The following ECE2 variants were observed in gnomAD, a reference collection of about 807,000 sequenced individuals.
ECE2 encodes endothelin-converting enzyme 2.
A neutral mutation model predicts 100.6 loss-of-function variants in ECE2; 81 were observed. The ratio of observed to expected loss-of-function variants is 0.81; its 90% confidence interval spans 0.67 to 0.97. The LOEUF is 0.97. ECE2 is among the 50% of genes least tolerant of loss of function. The pLI is 0.00. For synonymous variants in ECE2, 391 were observed against 391.5 expected (o/e 1.00, Z 0.02); for missense variants, 911 against 988.1 (o/e 0.92, Z 1.05).
In ECE2 at chr3:184,276,067, G is replaced by T; in HGVS notation, c.-87G>T. 8.3e-7 allele frequency: 1 copy of T among 1,207,310 alleles called. No homozygotes were observed. The highest frequency in any genetic ancestry group is 1.0e-6 in the Non-Finnish European group (1 of 972,062). 74.8% of individuals were successfully genotyped at this position (1,207,310 alleles called of 1,614,324 possible). ...CGCGGCGGCCGTGATGGCTGGTGAC[G>T]GCGGGGCCGGGCAGGGGACCGGGGC... On this transcript the variant is annotated 5_prime_UTR_variant, in exon 1 of 19. Transcript: ENST00000404464.
In ECE2 at chr3:184,277,399, G is replaced by A. The variant is rs751883120; in HGVS notation, c.411G>A (p.Gly137=). The A allele has an allele frequency of 2.5e-6, 4 of 1,614,120 alleles. No individual in the cohort carries two copies. Among genetic ancestry groups the A allele is most frequent in the Non-Finnish European group, 3.4e-6 (4 of 1,180,050 alleles). The change falls in exon 4 of 19, where the codon GGG becomes GGA. Residue 137 remains glycine, a synonymous_variant. Transcript: ENST00000404464. The part of the protein sequence containing the change: ...GWIRRNPLPD[G]RSRWNTFNSL... ...TTCGGAGGAACCCCCTGCCCGATGGGCGTTCTCGCTGGAACACCTTCAACA... is the reference window on the plus strand; with the variant it reads ...TTCGGAGGAACCCCCTGCCCGATGGACGTTCTCGCTGGAACACCTTCAACA...
chr3:184,287,411 G>C (rs1721104564), intron 10 of ECE2, among the ~76,000 whole-genome samples: 1 of 152,040 alleles, frequency 6.6e-6, no homozygotes, highest in Non-Finnish European at 1.5e-5. Flanking sequence ...TTAGTTGTGG[G>C]CCGGGCACGG....
rs1337016698 is a variant in ECE2, at chr3:184,285,076, G to C, written c.1119G>C (p.Val373=). ...ATGGGATGGATTATTTGCAGCAGGT[G>C]TCAGAGCTCATCAACCGCACGGAAC... The part of the protein sequence containing the change: ...VVYGMDYLQQ[V]SELINRTEPS... The change falls in exon 9 of 19, where the codon GTG becomes GTC. Residue 373 remains valine (V), a synonymous_variant. Transcript: ENST00000404464. The C allele has an allele frequency of 6.2e-7, 1 of 1,614,180 alleles. No individual in the cohort carries two copies. The highest frequency in any genetic ancestry group is 2.2e-5 in the East Asian group (1 of 44,886).
In ECE2 at chr3:184,276,990, G is replaced by C. The variant is rs1720583333; in HGVS notation, c.225G>C (p.Leu75=). ...CTCTACTGCTGGCTGCACTGCTTCTGGGCTGCCTTGTGGCCCTAGGGGTCC... is the reference window on the plus strand; with the variant it reads ...CTCTACTGCTGGCTGCACTGCTTCTCGGCTGCCTTGTGGCCCTAGGGGTCC... ...GASLLLAALL[L]GCLVALGVQY... Residue 75 remains leucine, a synonymous_variant, in exon 3 of 19, where the codon CTG becomes CTC. Coordinates refer to ENST00000404464, the MANE Select transcript of ECE2 (RefSeq NM_001100121.2). 6.2e-7 allele frequency: 1 copy of C among 1,614,122 alleles called. No homozygotes were observed. Among genetic ancestry groups the C allele is most frequent in the East Asian group, 2.2e-5 (1 of 44,888 alleles).
chr3:184,291,489 C>T lies in ECE2; in HGVS notation c.2121+50C>T, dbSNP rs779110954. ...GGTCTGCCCCTTTGTCCTGCTCCCT[C>T]CTGAGTATGTCATTAGGAGAACTCT... On this transcript the variant is annotated intron_variant, in intron 18 of 18. Coordinates refer to ENST00000404464, the MANE Select transcript of ECE2 (RefSeq NM_001100121.2). This position sits in a 1 kb window ranked among gnomAD's most constrained non-coding sequence, Gnocchi z 4.1. 6.1e-6 allele frequency: 9 copies of T among 1,475,192 alleles called. No individual in the cohort carries two copies. The East Asian group carries it at 1.6e-4, about 27-fold the overall frequency. 91.4% of individuals were successfully genotyped at this position (1,475,192 alleles called of 1,614,324 possible).
rs768847215 is a variant in ECE2, at chr3:184,289,716, G to C, written c.1549G>C (p.Gly517Arg). Reference sequence around the variant, plus strand: ...CAAAGAGCTGGATGATGTTTATGACGGGGTGAGTACCTACGCTCATCAGTA... The same window carrying C: ...CAAAGAGCTGGATGATGTTTATGACCGGGTGAGTACCTACGCTCATCAGTA... ...EPKELDDVYD[G>R]YEISEDSFFQ... The change falls in exon 13 of 19, where the codon GGG becomes CGG. Residue 517 changes from glycine to arginine, a missense_variant and splice_region_variant. Transcript: ENST00000404464. This position sits in a 1 kb window ranked among gnomAD's most constrained non-coding sequence, Gnocchi z 4.1. 6 of 1,611,300 alleles carry C rather than the reference G, an allele frequency of 3.7e-6. No individual in the cohort carries two copies. Among genetic ancestry groups the C allele is most frequent in the Non-Finnish European group, 4.2e-6 (5 of 1,178,730 alleles).
intron 8 of ECE2, among the ~76,000 whole-genome samples, chr3:184,284,542 C>CAA (rs35701535): frequency 9.0e-5 from 6 of 66,352 alleles, no homozygotes; most frequent in South Asian, 5.0e-4. Context: ...AACTCCATCT[C>CAA]AAAAAAAAAA....
rs1721229273 is a variant in ECE2, at chr3:184,289,771, TC to T, written c.1551+56del. On this transcript the variant is annotated intron_variant, in intron 13 of 18. Coordinates refer to ENST00000404464, the MANE Select transcript of ECE2 (RefSeq NM_001100121.2). This position sits in a 1 kb window ranked among gnomAD's most constrained non-coding sequence, Gnocchi z 4.1. Reference sequence around the variant, plus strand: ...ACTTCAGCCCTGTAGAGGGCACTGTTCCCTGGGCTTAGAAATTGGGGCTCAA... The same window carrying T: ...ACTTCAGCCCTGTAGAGGGCACTGTTCCTGGGCTTAGAAATTGGGGCTCAA... The T allele has an allele frequency of 6.7e-7, 1 of 1,486,012 alleles. No individual in the cohort carries two copies. Among genetic ancestry groups the T allele is most frequent in the African/African-American group, 1.4e-5 (1 of 70,982 alleles). 92.1% of individuals were successfully genotyped at this position (1,486,012 alleles called of 1,614,324 possible).
chr3:184,276,348 G>A lies in ECE2; in HGVS notation c.40-133G>A, dbSNP rs554365334. Reference sequence around the variant, plus strand: ...TGATAGAGAGACCCCGGGCCCGAGAGCAGGGCAGGTGGGAAGGGAAGGGCC... The same window carrying A: ...TGATAGAGAGACCCCGGGCCCGAGAACAGGGCAGGTGGGAAGGGAAGGGCC... On this transcript the variant is annotated intron_variant, in intron 1 of 18. Transcript: ENST00000404464. 64 of 1,380,292 alleles carry A rather than the reference G, an allele frequency of 4.6e-5. 1 individual carries two copies. The South Asian group carries it at 8.2e-4, about 18-fold the overall frequency. 85.5% of individuals were successfully genotyped at this position (1,380,292 alleles called of 1,614,324 possible).
Position 184,277,423 on chromosome 3 carries a change from C to G in ECE2, c.435C>G (p.Asn145Lys). 6.2e-7 allele frequency: 1 copy of G among 1,614,252 alleles called. No homozygotes were observed. Among genetic ancestry groups the G allele is most frequent in the South Asian group, 1.1e-5 (1 of 91,086 alleles). The stretch of plus-strand genomic sequence containing the variant: ...GGCGTTCTCGCTGGAACACCTTCAA[C>G]AGCCTCTGGGACCAAAACCAGGCCA... ...PDGRSRWNTF[N>K]SLWDQNQAIL... The change falls in exon 4 of 19, where the codon AAC becomes AAG. Residue 145 changes from asparagine to lysine, a missense_variant. Transcript: ENST00000404464.
At chr3:184,283,626 A>G (rs1720901602) in intron 7 of ECE2, among the ~76,000 whole-genome samples, 159 bp from the exon 8 acceptor site, 2 of 150,052 alleles carry the variant, frequency 1.3e-5, no homozygotes, top group African/African-American at 4.9e-5. Flanking sequence ...TACTTAGCCA[A>G]TGGAGGTAAG....
At chr3:184,290,470 C>A in intron 14 of ECE2, 87 bp from the exon 15 acceptor site, 1 of 1,560,866 alleles carries the variant, frequency 6.4e-7, no homozygotes, top group South Asian at 1.1e-5. Flanking sequence ...CGGCCCCATA[C>A]CCTTGCAGGA....
rs201991196 is a variant in ECE2 at position 184,290,878 on chromosome 3, C to T, written c.1834+18C>T. 51 of 1,614,114 alleles carry T rather than the reference C, an allele frequency of 3.2e-5. No individual in the cohort carries two copies. In the East Asian group the frequency reaches 8.9e-4, roughly 28 times the overall value. Reference sequence around the variant, plus strand: ...TGACCAAGGTAGGGGCCCATGGAGTCGTCCCCTCTAGCCTAGAATTCCCAG... The same window carrying T: ...TGACCAAGGTAGGGGCCCATGGAGTTGTCCCCTCTAGCCTAGAATTCCCAG... On this transcript the variant is annotated intron_variant, in intron 16 of 18. Transcript: ENST00000404464.
At position 184,276,503 on chromosome 3, in the gene ECE2, C is replaced by T. The variant is rs757756789; in HGVS notation, c.62C>T (p.Thr21Met). 33 of 1,610,566 alleles carry T rather than the reference C, an allele frequency of 2.0e-5. No homozygotes were observed. Among genetic ancestry groups the T allele is most frequent in the South Asian group, 1.5e-4 (14 of 90,666 alleles). Residue 21 changes from threonine to methionine, a missense_variant, in exon 2 of 19, where the codon ACG becomes ATG. Physicochemically the swap from Thr to Met is moderately conservative, Grantham distance 81. Transcript: ENST00000404464. ...CAGATGGTGGAGTACAAACGGGCCACGCTTCGGGATGAAGACGCACCCGAG... is the reference window on the plus strand; with the variant it reads ...CAGATGGTGGAGTACAAACGGGCCATGCTTCGGGATGAAGACGCACCCGAG... Reference protein sequence around the residue: ...GSNMVEYKRATLRDEDAPETP... With the variant: ...GSNMVEYKRAMLRDEDAPETP...
At chr3:184,288,328 A>AG (rs1721160736) in intron 11 of ECE2, among the ~76,000 whole-genome samples, 1 of 149,402 alleles carries the variant, frequency 6.7e-6, no homozygotes, top group East Asian at 1.9e-4. Context: ...AAAAAAAAAA[A>AG]AAAGAAAAGA....
At chr3:184,280,701 G>C (rs992028798) in intron 7 of ECE2, among the ~76,000 whole-genome samples, 1 of 152,054 alleles carries the variant, frequency 6.6e-6, no homozygotes, top group Non-Finnish European at 1.5e-5. Context: ...AAATTGGGCC[G>C]GGTGTGGTGG....
In ECE2 at chr3:184,291,445, AC is replaced by A. The variant is rs1465354363; in HGVS notation, c.2121+9del. 6 of 1,572,124 alleles carry A rather than the reference AC, an allele frequency of 3.8e-6. No individual in the cohort carries two copies. The African/African-American group carries it at 8.1e-5, about 21-fold the overall frequency. ...TCTTCGTGGGATTTGCCCAGGTATC[AC>A]CCTCTCGGAAGGCCTGGGGTCTGCC... On this transcript the variant is annotated splice_region_variant and intron_variant, in intron 18 of 18. Coordinates refer to ENST00000404464, the MANE Select transcript of ECE2 (RefSeq NM_001100121.2). This position sits in a 1 kb window ranked among gnomAD's most constrained non-coding sequence, Gnocchi z 4.1.
At chr3:184,286,339 A>C (rs892446211) in intron 10 of ECE2, among the ~76,000 whole-genome samples, 18 of 152,158 alleles carry the variant, frequency 1.2e-4, no homozygotes, top group African/African-American at 4.1e-4. Context: ...TGAATATTGT[A>C]TTGGGAAGTC....
Position 184,289,759 on chromosome 3 carries a change from A to AGAGG in ECE2, c.1551+43_1551+46dup. On this transcript the variant is annotated intron_variant, in intron 13 of 18. Transcript: ENST00000404464. The surrounding 1 kb of genome is among the most constrained non-coding windows in gnomAD (Gnocchi z 4.1). ...CATCAGTACTGAACTTCAGCCCTGT[A>AGAGG]GAGGGCACTGTTCCCTGGGCTTAGA... is the stretch of plus-strand genomic sequence containing the variant. 6.5e-7 allele frequency: 1 copy of AGAGG among 1,539,428 alleles called. No individual in the cohort carries two copies. Among genetic ancestry groups the AGAGG allele is most frequent in the Middle Eastern group, 1.8e-4 (1 of 5,562 alleles).
Sources: allele counts gnomAD v4.1 joint callset (sites outside exome capture counted in the v4.1 genomes callset), GRCh38; gene constraint gnomAD v4.1.1; non-coding constraint Gnocchi (gnomAD v3.1); transcripts MANE v1.5; gene names NCBI Gene and HGNC (gene_info 2026-07-23, HGNC 2026-07-21).